Variants in RIT2 observed in about 807,000 individuals in gnomAD.
RIT2 encodes Ras like without CAAX 2, also known as GTP-binding protein Rit2.
A neutral mutation model predicts 23.7 loss-of-function variants in RIT2; 24 were observed. The observed-to-expected ratio is 1.01, with a 90% CI of 0.73 to 1.43. The LOEUF is 1.43. RIT2 is among the 40% of genes most tolerant of loss of function. The pLI, the probability that RIT2 is intolerant of heterozygous loss-of-function variation, is 0.00. For synonymous variants in RIT2, 107 were observed against 91.1 expected (o/e 1.17, Z -0.99); for missense variants, 236 against 266.9 (o/e 0.88, Z 0.81).
chr18:43,046,920 C>T (rs534789525), intron 1 of RIT2, among the ~76,000 whole-genome samples: 2 of 152,242 alleles, frequency 1.3e-5, no homozygotes, highest in Admixed American at 6.5e-5. Context: ...AAACAAAGCT[C>T]TTCAGGGTGC....
intron 4 of RIT2, among the ~76,000 whole-genome samples, chr18:42,837,819 T>C (rs542253840): frequency 2.0e-3 from 301 of 152,280 alleles, no homozygotes; most frequent in African/African-American, 6.7e-3. Context: ...AATCTTTTAA[T>C]TGATATTAAA....
intron 3 of RIT2, among the ~76,000 whole-genome samples, chr18:42,935,131 C>A (rs1909419934): frequency 6.6e-6 from 1 of 152,136 alleles, no homozygotes; most frequent in Non-Finnish European, 1.5e-5. Context: ...AAACACCTTT[C>A]CCCTACATTA....
At chr18:42,825,701 A>G (rs1906275212) in intron 4 of RIT2, among the ~76,000 whole-genome samples, 1 of 151,704 alleles carries the variant, frequency 6.6e-6, no homozygotes, top group Non-Finnish European at 1.5e-5. Flanking sequence ...TATGTGTTTT[A>G]TGTATGTATG....
chr18:42,926,348 T>C (rs1909180062), intron 3 of RIT2, among the ~76,000 whole-genome samples: 1 of 151,992 alleles, frequency 6.6e-6, no homozygotes, highest in Non-Finnish European at 1.5e-5. Flanking sequence ...CTATGACATA[T>C]TCATTTATAT....
intron 1 of RIT2, among the ~76,000 whole-genome samples, chr18:43,076,869 C>T (rs1469687881): frequency 5.9e-5 from 9 of 151,878 alleles, no homozygotes; most frequent in Non-Finnish European, 1.2e-4. Context: ...TTTGGGAGGC[C>T]GAGGCGGGCG....
At chr18:42,976,000 T>A (rs940362415) in intron 2 of RIT2, among the ~76,000 whole-genome samples, 6 of 152,110 alleles carry the variant, frequency 3.9e-5, no homozygotes, top group African/African-American at 1.4e-4. Context: ...GTGTGACTAT[T>A]TTCTAATTTC....
At position 42,753,055 on chromosome 18, in the gene RIT2, C is replaced by G. The variant is rs73951747; in HGVS notation, c.427-9335G>C. ...TACTCCCTGAAATGCTATTTCCCAT[C>G]TGCCAGAGGAGGCATTAGAACACAG... On this transcript the variant is annotated intron_variant, in intron 4 of 4. Coordinates refer to ENST00000326695, the MANE Select transcript of RIT2 (RefSeq NM_002930.4). Among the ~76,000 whole-genome samples, 708 of 152,292 alleles carry G rather than the reference C, an allele frequency of 4.6e-3. 7 individuals are homozygous for G. The highest frequency in any genetic ancestry group is 0.016 in the African/African-American group (667 of 41,566).
intron 4 of RIT2, among the ~76,000 whole-genome samples, chr18:42,777,310 G>T (rs945646971): frequency 6.7e-6 from 1 of 149,380 alleles, no homozygotes; most frequent in Non-Finnish European, 1.5e-5. Flanking sequence ...AAGAAAGAGA[G>T]AAACAGGACT....
intron 4 of RIT2, among the ~76,000 whole-genome samples, chr18:42,852,429 G>T (rs529050796): frequency 9.2e-5 from 14 of 152,186 alleles, no homozygotes; most frequent in Admixed American, 3.3e-4. Context: ...GCTCTGTACT[G>T]TTGAACTGAT....
Position 42,835,184 on chromosome 18 carries a change from A to G in RIT2, c.426+88388T>C, listed in dbSNP as rs1405976070. ...AACAATATGAGGACTATAGTTAATA[A>G]TAGTATATTGTATTCAGGATTTTTG... On this transcript the variant is annotated intron_variant, in intron 4 of 4. Transcript: ENST00000326695. Among the ~76,000 whole-genome samples, 3 of 152,266 alleles carry G rather than the reference A, an allele frequency of 2.0e-5. No homozygotes were observed. In the East Asian group the frequency reaches 5.8e-4, roughly 29 times the overall value.
chr18:42,944,587 G>C (rs1462928530), intron 3 of RIT2, among the ~76,000 whole-genome samples: 2 of 152,056 alleles, frequency 1.3e-5, no homozygotes, highest in Admixed American at 6.6e-5. Flanking sequence ...ATTTTCACAT[G>C]GGAGAGAGAG....
chr18:42,923,887 T>A, intron 3 of RIT2, 124 bp from the exon 4 acceptor site: 1 of 767,308 alleles, frequency 1.3e-6, no homozygotes, highest in Non-Finnish European at 2.0e-6. Context: ...TATTTAATCA[T>A]AGGAGATTTC....
intron 4 of RIT2, among the ~76,000 whole-genome samples, chr18:42,865,170 C>T (rs1907436185): frequency 6.6e-6 from 1 of 152,190 alleles, no homozygotes; most frequent in South Asian, 2.1e-4. Context: ...CTCTGGCATG[C>T]TAATCCAATC....
intron 1 of RIT2, among the ~76,000 whole-genome samples, chr18:43,046,509 C>T (rs911756603): frequency 1.3e-5 from 2 of 152,130 alleles, no homozygotes; most frequent in Non-Finnish European, 2.9e-5. Flanking sequence ...AGCTGGGCTG[C>T]TTCTACTGGC....
At chr18:43,084,678 A>G (rs1209019757) in intron 1 of RIT2, among the ~76,000 whole-genome samples, 2 of 152,292 alleles carry the variant, frequency 1.3e-5, no homozygotes, top group African/African-American at 2.4e-5. Flanking sequence ...TGGGAGTTGC[A>G]CAATGAGAAC....
At chr18:42,823,271 C>T (rs1452239314) in intron 4 of RIT2, among the ~76,000 whole-genome samples, 1 of 152,124 alleles carries the variant, frequency 6.6e-6, no homozygotes, top group East Asian at 1.9e-4. Context: ...GGATATTCAT[C>T]ACAAAATATT....
At chr18:42,883,054 G>A (rs907514612) in intron 4 of RIT2, among the ~76,000 whole-genome samples, 8 of 151,960 alleles carry the variant, frequency 5.3e-5, no homozygotes, top group Non-Finnish European at 8.8e-5. Flanking sequence ...CAATAGATAC[G>A]TGTTTACGAG....
chr18:42,875,131 C>T (rs773032868), intron 4 of RIT2, among the ~76,000 whole-genome samples: 3 of 151,994 alleles, frequency 2.0e-5, no homozygotes, highest in Non-Finnish European at 2.9e-5. Context: ...ACCTCTTTTC[C>T]CCACTTCCTG....
rs550812576 is a variant in RIT2 at position 42,849,056 on chromosome 18, C to T, written c.426+74516G>A. On this transcript the variant is annotated intron_variant, in intron 4 of 4. Coordinates refer to ENST00000326695, the MANE Select transcript of RIT2 (RefSeq NM_002930.4). ...ATCTTCCCAATACTCTTTGAGTTAC[C>T]TGCTATTTTCAGATGAGGAAACAGA... is the stretch of plus-strand genomic sequence containing the variant. Among the ~76,000 whole-genome samples, 10 of 152,138 alleles carry T rather than the reference C, an allele frequency of 6.6e-5. No individual in the cohort carries two copies. The South Asian group carries it at 1.9e-3, about 28-fold the overall frequency.
Sources: gnomAD v4.1 joint callset for allele counts (sites outside exome capture counted in the v4.1 genomes callset) on GRCh38, gnomAD v4.1.1 for gene constraint, MANE v1.5 for transcripts, NCBI Gene and HGNC (gene_info 2026-07-23, HGNC 2026-07-21) for gene names.